GTSE1: variants seen among roughly 807,000 people sequenced by gnomAD.
GTSE1 encodes G2 and S phase-expressed protein 1.
Under a neutral mutation model 60.5 loss-of-function variants are expected in GTSE1, and 52 were observed. The observed-to-expected ratio is 0.86, with a 90% CI of 0.69 to 1.08. GTSE1 has a LOEUF of 1.08. Among genes scored for constraint, GTSE1 ranks in the 50% least tolerant of loss-of-function variants. The probability of loss-of-function intolerance (pLI) is 0.00; values close to 1 mark genes in which losing one functional copy is unlikely to be tolerated. For missense variants in GTSE1, 937 were observed against 961.8 expected (o/e 0.97, Z 0.34); for synonymous variants, 368 against 386.5 (o/e 0.95, Z 0.56).
Position 46,316,179 on chromosome 22 carries a change from T to C in GTSE1, c.1199T>C (p.Val400Ala). The C allele has an allele frequency of 6.2e-7, 1 of 1,613,046 alleles. No homozygotes were observed. Among genetic ancestry groups the C allele is most frequent in the Non-Finnish European group, 8.5e-7 (1 of 1,179,588 alleles). Reference protein sequence around the residue: ...VGASSWQAKRVDVSELAAEQL... With the variant: ...VGASSWQAKRADVSELAAEQL... The stretch of plus-strand genomic sequence containing the variant: ...GCATCCTCCTGGCAGGCCAAGCGGG[T>C]CGATGTTTCTGAGCTGGCAGCGGAG... Residue 400 changes from valine to alanine, a missense_variant, in exon 7 of 12, where the codon GTC (valine) becomes GCC (alanine). Coordinates refer to ENST00000454366, the MANE Select transcript of GTSE1 (RefSeq NM_016426.7). This position sits in a 1 kb window ranked among gnomAD's most constrained non-coding sequence, Gnocchi z 5.0.
At chr22:46,298,897 C>T (rs1023290356) in intron 2 of GTSE1, among the ~76,000 whole-genome samples, 1 of 152,232 alleles carries the variant, frequency 6.6e-6, no homozygotes, top group Non-Finnish European at 1.5e-5. Context: ...CTTGTCGCCA[C>T]GTCTCCTCCG....
At chr22:46,303,344 T>C (rs2077700043) in intron 2 of GTSE1, among the ~76,000 whole-genome samples, 1 of 152,280 alleles carries the variant, frequency 6.6e-6, no homozygotes, top group Non-Finnish European at 1.5e-5. Context: ...TTCCATGTTA[T>C]CTTCTCACTG....
chr22:46,325,910 G>A (rs2077841042), intron 8 of GTSE1, among the ~76,000 whole-genome samples: 1 of 152,220 alleles, frequency 6.6e-6, no homozygotes, highest in African/African-American at 2.4e-5. Context: ...GGACGTGAGG[G>A]GTGTGAGGAC....
chr22:46,315,439 T>C (rs6008632), intron 6 of GTSE1, among the ~76,000 whole-genome samples: 32,562 of 151,970 alleles, frequency 0.21, 5,216 homozygotes, highest in African/African-American at 0.45. Context: ...GAGTGATCTC[T>C]TGCCTTGGCC....
At chr22:46,305,184 T>G (rs1401052729) in intron 2 of GTSE1, among the ~76,000 whole-genome samples, 1 of 152,236 alleles carries the variant, frequency 6.6e-6, no homozygotes, top group African/African-American at 2.4e-5. Context: ...ATCCTATGAA[T>G]CTAGTTGGGA....
At position 46,308,209 on chromosome 22, in the gene GTSE1, T is replaced by C; in HGVS notation, c.137+2T>C. 6.2e-7 allele frequency: 1 copy of C among 1,612,760 alleles called. No individual in the cohort carries two copies. Among genetic ancestry groups the C allele is most frequent in the Non-Finnish European group, 8.5e-7 (1 of 1,178,792 alleles). On this transcript the variant is annotated splice_donor_variant, in intron 3 of 11. Coordinates refer to ENST00000454366, the MANE Select transcript of GTSE1 (RefSeq NM_016426.7). LOFTEE classifies it high-confidence loss of function. ...CGATCTTTCATTGTCTTCTTCGAGGTAAACAAATGAGTTTTCTTCCCTTGC... is the reference window on the plus strand; with the variant it reads ...CGATCTTTCATTGTCTTCTTCGAGGCAAACAAATGAGTTTTCTTCCCTTGC...
At position 46,312,311 on chromosome 22, in the gene GTSE1, T is replaced by C. The variant is rs1201824243; in HGVS notation, c.927+6T>C. 1.1e-5 allele frequency: 17 copies of C among 1,605,894 alleles called. No individual in the cohort carries two copies. The highest frequency in any genetic ancestry group is 1.4e-5 in the Non-Finnish European group (17 of 1,175,720). On this transcript the variant is annotated splice_donor_region_variant and intron_variant, in intron 5 of 11. Transcript: ENST00000454366. ...CGATCCCTGTTCCAAACAAGGTGAG[T>C]TGGCTGCTGGGGCCCAAACTTGTGG...
rs769904934 is a variant in GTSE1, at chr22:46,324,886, G to GT, written c.1506-1549dup. On this transcript the variant is annotated intron_variant, in intron 8 of 11. Coordinates refer to ENST00000454366, the MANE Select transcript of GTSE1 (RefSeq NM_016426.7). The surrounding 1 kb of genome is among the most constrained non-coding windows in gnomAD (Gnocchi z 5.2). The stretch of plus-strand genomic sequence containing the variant: ...TGTTTTCAGGCTCCTTTTGAAGAAC[G>GT]TAACAATTGCCCAGAATAGAGCAAT... 6.6e-5 allele frequency among the ~76,000 whole-genome samples: 10 copies of GT among 152,156 alleles called. No individual in the cohort carries two copies. The highest frequency in any genetic ancestry group is 1.0e-4 in the Non-Finnish European group (7 of 68,024).
rs751754018 is a variant in GTSE1 at position 46,308,503 on chromosome 22, C to T, written c.322C>T (p.Leu108=). Reference sequence around the variant, plus strand: ...GGAGGTGTACAAAGAAGCTCACTTACTGGCTTTACACATTGAGAGCAGCAG... The same window carrying T: ...GGAGGTGTACAAAGAAGCTCACTTATTGGCTTTACACATTGAGAGCAGCAG... The part of the protein sequence containing the change: ...FVEVYKEAHL[L]ALHIESSSRN... Residue 108 remains leucine, a synonymous_variant, in exon 4 of 12, where the codon CTG becomes TTG. Coordinates refer to ENST00000454366, the MANE Select transcript of GTSE1 (RefSeq NM_016426.7). 2 of 1,614,212 alleles carry T rather than the reference C, an allele frequency of 1.2e-6. No homozygotes were observed. The highest frequency in any genetic ancestry group is 1.7e-6 in the Non-Finnish European group (2 of 1,180,028).
chr22:46,299,282 C>T (rs919272983), intron 2 of GTSE1, among the ~76,000 whole-genome samples: 3 of 152,372 alleles, frequency 2.0e-5, no homozygotes, highest in South Asian at 4.1e-4. Context: ...CTTTCGCCCT[C>T]AGGGCGGTCA....
In GTSE1 at chr22:46,330,007, C is replaced by T. The variant is rs367784937; in HGVS notation, c.2137-40C>T. The T allele has an allele frequency of 7.7e-4, 952 of 1,240,954 alleles. 14 individuals are homozygous for T. In the South Asian group the frequency reaches 0.011, roughly 14 times the overall value. The allele number at this position is 1,240,954 out of a possible 1,614,324, so 76.9% of individuals were successfully genotyped here. ...GCAGGGAGGGGAAGGGAGGCCCTAG[C>T]CGGATCCACGCTCACCTCCTCCACT... On this transcript the variant is annotated intron_variant, in intron 11 of 11. Coordinates refer to ENST00000454366, the MANE Select transcript of GTSE1 (RefSeq NM_016426.7). The surrounding 1 kb of genome is among the most constrained non-coding windows in gnomAD (Gnocchi z 6.0).
chr22:46,308,141 T>C lies in GTSE1; in HGVS notation c.80-9T>C. Reference sequence around the variant, plus strand: ...GGCACTAAAATAACAGTGGATTTTTTCCCTCTAGACATTCTTCTTTTGGCC... The same window carrying C: ...GGCACTAAAATAACAGTGGATTTTTCCCCTCTAGACATTCTTCTTTTGGCC... On this transcript the variant is annotated splice_polypyrimidine_tract_variant and intron_variant, in intron 2 of 11. Transcript: ENST00000454366. 6.3e-7 allele frequency: 1 copy of C among 1,596,646 alleles called. No individual in the cohort carries two copies. The highest frequency in any genetic ancestry group is 8.6e-7 in the Non-Finnish European group (1 of 1,164,480).
rs181848788 is a variant in GTSE1, at chr22:46,313,968, T to A, written c.1006T>A (p.Trp336Arg). 6.2e-7 allele frequency: 1 copy of A among 1,614,234 alleles called. No homozygotes were observed. The highest frequency in any genetic ancestry group is 8.5e-7 in the Non-Finnish European group (1 of 1,180,018). Residue 336 changes from tryptophan to arginine, a missense_variant, in exon 6 of 12, where the codon TGG (tryptophan) becomes AGG (arginine). Trp to Arg is a moderately radical substitution (Grantham distance 101). Transcript: ENST00000454366. This position sits in a 1 kb window ranked among gnomAD's most constrained non-coding sequence, Gnocchi z 4.4. ...AAGGAAGTCCTCCTCGGGGCCTGTT[T>A]GGAGCGGGGCATCCAGTGCGTGCAC... is the stretch of plus-strand genomic sequence containing the variant. ...LARKSSSGPV[W>R]SGASSACTSP...
chr22:46,328,031 T>A (rs934177031), intron 9 of GTSE1, among the ~76,000 whole-genome samples: 3 of 152,268 alleles, frequency 2.0e-5, no homozygotes, highest in African/African-American at 7.2e-5. Context: ...GGAATTTTCT[T>A]ATGAAACCTC....
At chr22:46,302,065 C>T (rs548881631) in intron 2 of GTSE1, among the ~76,000 whole-genome samples, 12 of 152,146 alleles carry the variant, frequency 7.9e-5, no homozygotes, top group African/African-American at 2.4e-4. Flanking sequence ...GCAGAGGTTG[C>T]GGTGAGCCAA....
In GTSE1 at chr22:46,316,253, G is replaced by A; in HGVS notation, c.1273G>A (p.Glu425Lys). ...SASPTQPQTPEGGGQWLNSSC... is the reference protein window; with the variant it reads ...SASPTQPQTPKGGGQWLNSSC... Reference sequence around the variant, plus strand: ...ATCCCCCACCCAACCCCAGACTCCGGAAGGTGGCGGCCAGTGGCTGAACTC... The same window carrying A: ...ATCCCCCACCCAACCCCAGACTCCGAAAGGTGGCGGCCAGTGGCTGAACTC... Residue 425 changes from glutamate to lysine, a missense_variant, in exon 7 of 12, where the codon GAA becomes AAA. By Grantham distance (56) the Glu-to-Lys change is moderately conservative (BLOSUM62 1). Coordinates refer to ENST00000454366, the MANE Select transcript of GTSE1 (RefSeq NM_016426.7). This position sits in a 1 kb window ranked among gnomAD's most constrained non-coding sequence, Gnocchi z 5.0. The A allele has an allele frequency of 6.2e-7, 1 of 1,613,898 alleles. No homozygotes were observed. Among genetic ancestry groups the A allele is most frequent in the Non-Finnish European group, 8.5e-7 (1 of 1,180,026 alleles).
At position 46,317,253 on chromosome 22, in the gene GTSE1, C is replaced by T. The variant is rs937797895; in HGVS notation, c.1432+841C>T. On this transcript the variant is annotated intron_variant, in intron 7 of 11. Transcript: ENST00000454366. This position sits in a 1 kb window ranked among gnomAD's most constrained non-coding sequence, Gnocchi z 5.6. Reference sequence around the variant, plus strand: ...AACTGCTGGGATTATAGGTGTGAGCCACCGTGCCCGGCCCAGCCTTTTTCC... The same window carrying T: ...AACTGCTGGGATTATAGGTGTGAGCTACCGTGCCCGGCCCAGCCTTTTTCC... Among the ~76,000 whole-genome samples, 1 of 152,226 alleles carries T rather than the reference C, an allele frequency of 6.6e-6. No individual in the cohort carries two copies. Among genetic ancestry groups the T allele is most frequent in the African/African-American group, 2.4e-5 (1 of 41,454 alleles).
chr22:46,327,060 A>G (rs1033341617), intron 9 of GTSE1: 5 of 174,644 alleles, frequency 2.9e-5, no homozygotes, highest in African/African-American at 1.2e-4. Context: ...AAAATAAGCT[A>G]GGTGTGGTGG....
chr22:46,311,611 G>T (rs1402366805), intron 4 of GTSE1, among the ~76,000 whole-genome samples: 1 of 152,172 alleles, frequency 6.6e-6, no homozygotes, highest in Non-Finnish European at 1.5e-5. Flanking sequence ...GTTATAAGGG[G>T]GCTATTTATG....
Sources: allele counts gnomAD v4.1 joint callset (sites outside exome capture counted in the v4.1 genomes callset), GRCh38; gene constraint gnomAD v4.1.1; non-coding constraint Gnocchi (gnomAD v3.1); transcripts MANE v1.5; gene names NCBI Gene and HGNC (gene_info 2026-07-23, HGNC 2026-07-21).